The following LUZP2 variants were observed in gnomAD, a reference collection of about 807,000 sequenced individuals.
LUZP2 encodes the protein leucine zipper protein 2.
LUZP2 carries 52 observed loss-of-function variants against 51.6 expected under a neutral mutation model. The ratio of observed to expected loss-of-function variants is 1.01; its 90% CI spans 0.81 to 1.27. The LOEUF is 1.27. Among genes scored for constraint, LUZP2 ranks in the 50% most tolerant of loss-of-function variants. LUZP2 has a pLI of 0.00. For synonymous variants in LUZP2, 154 were observed against 137.3 expected, an observed-to-expected ratio of 1.12 and a Z score of -0.85; for missense variants, 436 against 395.4, an observed-to-expected ratio of 1.10 and a Z score of -0.87.
rs577124067 is a variant in LUZP2 at position 24,644,322 on chromosome 11, A to C, written c.63-84847A>C. 3.3e-4 allele frequency among the ~76,000 whole-genome samples: 50 copies of C among 152,252 alleles called. No individual in the cohort carries two copies. The South Asian group carries it at 7.0e-3, about 21-fold the overall frequency. ...GGAGCTTTCAGTAATGGCCTACAAG[A>C]ACAGCATGAGGGAGAGTCCTTCAAA... On this transcript the variant is annotated intron_variant, in intron 1 of 11. Coordinates refer to ENST00000336930, the MANE Select transcript of LUZP2 (RefSeq NM_001009909.4).
intron 1 of LUZP2, among the ~76,000 whole-genome samples, chr11:24,630,441 A>C: frequency 6.6e-6 from 1 of 152,068 alleles, no homozygotes; most frequent in East Asian, 1.9e-4. Flanking sequence ...TTTATTACAA[A>C]GGGTGTCTTT....
intron 1 of LUZP2, among the ~76,000 whole-genome samples, chr11:24,647,295 A>G (rs2133955808): frequency 6.6e-6 from 1 of 151,982 alleles, no homozygotes; most frequent in South Asian, 2.1e-4. Context: ...TTTTTTTTAA[A>G]TTGGTACAGA....
intron 1 of LUZP2, among the ~76,000 whole-genome samples, chr11:24,598,745 T>C (rs1240985685): frequency 2.6e-5 from 4 of 152,196 alleles, no homozygotes; most frequent in African/African-American, 7.2e-5. Context: ...TCTAGTTTTG[T>C]GTCTACCTAA....
intron 10 of LUZP2, among the ~76,000 whole-genome samples, chr11:25,067,751 A>G (rs1331210442): frequency 6.6e-6 from 1 of 151,940 alleles, no homozygotes; most frequent in African/African-American, 2.4e-5. Flanking sequence ...TCATTGTGAA[A>G]GACAGTGTGG....
At chr11:25,072,705 A>T (rs1226503500) in intron 10 of LUZP2, among the ~76,000 whole-genome samples, 1 of 152,088 alleles carries the variant, frequency 6.6e-6, no homozygotes, top group Non-Finnish European at 1.5e-5. Context: ...TTTATTTAAG[A>T]ATTAAATTAT....
chr11:25,035,587 A>C (rs946333379), intron 9 of LUZP2, among the ~76,000 whole-genome samples: 3 of 152,134 alleles, frequency 2.0e-5, no homozygotes, highest in African/African-American at 4.8e-5. Context: ...TAGAAGAATC[A>C]ATATCAAAAA....
At chr11:24,830,638 T>C (rs901459305) in intron 5 of LUZP2, among the ~76,000 whole-genome samples, 6 of 152,232 alleles carry the variant, frequency 3.9e-5, no homozygotes, top group African/African-American at 1.4e-4. Context: ...CTACTATTAT[T>C]ACCGCAATTT....
chr11:24,962,881 A>G (rs557554734), intron 7 of LUZP2, among the ~76,000 whole-genome samples: 33 of 151,828 alleles, frequency 2.2e-4, no homozygotes, highest in African/African-American at 7.5e-4. Context: ...TTTTTTCCCC[A>G]TCTTTGTGGT....
At position 24,535,323 on chromosome 11, in the gene LUZP2, C is replaced by T. The variant is rs138498148; in HGVS notation, c.62+38018C>T. 8.1e-4 allele frequency among the ~76,000 whole-genome samples: 122 copies of T among 151,530 alleles called. 1 individual carries two copies. In the South Asian group the frequency reaches 0.021, roughly 26 times the overall value. ...AATAAAGTTTGTTTTGTCAATTTACCATTGCTGTAACAAAAGACTTCTCTT... is the reference window on the plus strand; with the variant it reads ...AATAAAGTTTGTTTTGTCAATTTACTATTGCTGTAACAAAAGACTTCTCTT... On this transcript the variant is annotated intron_variant, in intron 1 of 11. Transcript: ENST00000336930.
At chr11:24,906,558 T>C (rs962592232) in intron 6 of LUZP2, among the ~76,000 whole-genome samples, 1 of 152,184 alleles carries the variant, frequency 6.6e-6, no homozygotes, top group African/African-American at 2.4e-5. Flanking sequence ...CTGCTTAACA[T>C]AGATTTAACT....
intron 1 of LUZP2, among the ~76,000 whole-genome samples, chr11:24,600,237 A>T (rs1853582378): frequency 6.6e-6 from 1 of 151,644 alleles, no homozygotes; most frequent in African/African-American, 2.4e-5. Context: ...GGGTAACATC[A>T]TGTGAAGTCA....
At chr11:24,844,631 T>A (rs2631475) in intron 5 of LUZP2, among the ~76,000 whole-genome samples, 1 of 151,968 alleles carries the variant, frequency 6.6e-6, no homozygotes, top group Non-Finnish European at 1.5e-5. Context: ...CAGCAGCCCA[T>A]CCCATCACAG....
chr11:25,027,535 G>T (rs887734094), intron 9 of LUZP2, among the ~76,000 whole-genome samples: 1 of 151,950 alleles, frequency 6.6e-6, no homozygotes, highest in Non-Finnish European at 1.5e-5. Context: ...TTACCAGTAC[G>T]AACTCTATCA....
At chr11:24,768,620 A>T (rs993194899) in intron 5 of LUZP2, among the ~76,000 whole-genome samples, 2 of 151,888 alleles carry the variant, frequency 1.3e-5, no homozygotes, top group Admixed American at 1.3e-4. Context: ...TCAGAAGAAG[A>T]TTTACAAATG....
At chr11:24,585,782 C>T (rs1235624095) in intron 1 of LUZP2, among the ~76,000 whole-genome samples, 4 of 151,948 alleles carry the variant, frequency 2.6e-5, no homozygotes, top group African/African-American at 9.7e-5. Context: ...TCAGACAAAC[C>T]TATGCCTATT....
chr11:24,780,763 A>AGAAT (rs1425931920), intron 5 of LUZP2, among the ~76,000 whole-genome samples: 1 of 152,176 alleles, frequency 6.6e-6, no homozygotes, highest in African/African-American at 2.4e-5. Context: ...TCAGGTGTGC[A>AGAAT]GAATTTAATC....
intron 5 of LUZP2, among the ~76,000 whole-genome samples, chr11:24,838,175 T>G (rs1487655485): frequency 6.6e-6 from 1 of 151,712 alleles, no homozygotes; most frequent in East Asian, 1.9e-4. Context: ...ATTTATCTGA[T>G]AGCCACAAGT....
chr11:25,057,501 G>A (rs1183572662), intron 10 of LUZP2, among the ~76,000 whole-genome samples: 2 of 152,152 alleles, frequency 1.3e-5, no homozygotes, highest in Non-Finnish European at 2.9e-5. Context: ...GAGTCACATT[G>A]AGAAAGCAAA....
At chr11:24,835,214 T>G (rs1850827350) in intron 5 of LUZP2, among the ~76,000 whole-genome samples, 1 of 152,130 alleles carries the variant, frequency 6.6e-6, no homozygotes, top group Non-Finnish European at 1.5e-5. Context: ...GGGGAAAGGA[T>G]TCCCTATTTA....
Sources: allele counts gnomAD v4.1 joint callset (sites outside exome capture counted in the v4.1 genomes callset), GRCh38; gene constraint gnomAD v4.1.1; transcripts MANE v1.5; gene names NCBI Gene and HGNC (gene_info 2026-07-23, HGNC 2026-07-21).